Variants in MPP2 observed in about 807,000 individuals in gnomAD.
MPP2 encodes the protein MAGUK p55 scaffold protein 2.
MPP2 carries 42 observed loss-of-function variants against 58.5 expected under a neutral mutation model. The ratio of observed to expected loss-of-function variants is 0.72; its 90% CI spans 0.56 to 0.93. The LOEUF is 0.93. MPP2 is among the 40% of genes least tolerant of loss of function. MPP2 has a pLI of 0.00. For synonymous variants in MPP2, 300 were observed against 307.8 expected (o/e 0.97, Z 0.26); for missense variants, 632 against 760.4 (o/e 0.83, Z 1.99).
chr17:43,879,700 CAGGTGT>C lies in MPP2; in HGVS notation c.1353+76_1353+81del. The C allele has an allele frequency of 2.0e-5, 30 of 1,486,628 alleles. No individual in the cohort carries two copies. Among genetic ancestry groups the C allele is most frequent in the Non-Finnish European group, 2.8e-5 (30 of 1,084,530 alleles). The allele number at this position is 1,486,628 out of a possible 1,614,324, so 92.1% of individuals were successfully genotyped here. On this transcript the variant is annotated intron_variant, in intron 11 of 12. Transcript: ENST00000269095. This position sits in a 1 kb window ranked among gnomAD's most constrained non-coding sequence, Gnocchi z 4.1. ...GGGGTACATGGGCGTGTTCAGGTGA[CAGGTGT>C]CTGGAACTATATGGGGGAGCAATGA...
At chr17:43,891,707 G>A (rs1193431717) in intron 3 of MPP2, among the ~76,000 whole-genome samples, 1 of 152,058 alleles carries the variant, frequency 6.6e-6, no homozygotes, top group Admixed American at 6.6e-5. Flanking sequence ...ACCAGCCTGG[G>A]CAACACGGTG....
At chr17:43,897,597 G>A (rs1382844953) in intron 3 of MPP2, among the ~76,000 whole-genome samples, 2 of 152,080 alleles carry the variant, frequency 1.3e-5, no homozygotes, top group East Asian at 3.8e-4. Context: ...TGCACAGCTC[G>A]CATTGTCTTA....
At chr17:43,891,714 G>A (rs1010808116) in intron 3 of MPP2, among the ~76,000 whole-genome samples, 6 of 152,116 alleles carry the variant, frequency 3.9e-5, no homozygotes, top group African/African-American at 1.4e-4. Context: ...TGGGCAACAC[G>A]GTGAGACCTC....
intron 7 of MPP2, 51 bp downstream of exon 7, chr17:43,881,402 GCCCTC>G: frequency 6.2e-7 from 1 of 1,613,900 alleles, no homozygotes; most frequent in African/African-American, 1.3e-5. Context: ...CCCTCCCTGT[GCCCTC>G]GCCCTCCCAT....
intron 12 of MPP2, among the ~76,000 whole-genome samples, chr17:43,878,812 G>A (rs951670730): frequency 1.8e-4 from 27 of 152,210 alleles, no homozygotes; most frequent in African/African-American, 6.5e-4. Flanking sequence ...TCTGCAATGA[G>A]GCCTTGAAGC....
chr17:43,888,719 G>C (rs2047473740), intron 3 of MPP2, among the ~76,000 whole-genome samples: 1 of 152,112 alleles, frequency 6.6e-6, no homozygotes, highest in Admixed American at 6.5e-5. Context: ...GGGGAAGCCA[G>C]GGTGCCTCCT....
At chr17:43,896,391 C>G (rs2047848758) in intron 3 of MPP2, among the ~76,000 whole-genome samples, 3 of 152,090 alleles carry the variant, frequency 2.0e-5, no homozygotes, top group Admixed American at 1.3e-4. Flanking sequence ...TAGAACTGTC[C>G]TCCTTGGAAA....
chr17:43,885,146 A>T (rs1488504655), intron 3 of MPP2, among the ~76,000 whole-genome samples: 3 of 150,180 alleles, frequency 2.0e-5, no homozygotes, highest in African/African-American at 7.3e-5. Flanking sequence ...AAAAAGAATG[A>T]GCTCTTCTTT....
intron 3 of MPP2, among the ~76,000 whole-genome samples, chr17:43,892,561 C>T (rs1200209117): frequency 6.6e-6 from 1 of 151,822 alleles, no homozygotes; most frequent in Non-Finnish European, 1.5e-5. Context: ...TTCCAGTGGG[C>T]TCAGGTAGGC....
In MPP2 at chr17:43,882,402, A is replaced by C. The variant is rs961266933; in HGVS notation, c.563T>G (p.Val188Gly). 1 of 1,611,434 alleles carries C rather than the reference A, an allele frequency of 6.2e-7. No homozygotes were observed. The highest frequency in any genetic ancestry group is 2.2e-5 in the East Asian group (1 of 44,862). The change falls in exon 6 of 13, where the codon GTG (valine) becomes GGG (glycine). Residue 188 changes from valine to glycine, a missense_variant. Coordinates refer to ENST00000269095, the MANE Select transcript of MPP2 (RefSeq NM_005374.5). ...GTCACTGCCCACTGGCTGCCCGTTC[A>C]CCTCCTTGATGATGTCACCCACATG... ...LLHVGDIIKEVNGQPVGSDPR... is the reference protein window; with the variant it reads ...LLHVGDIIKEGNGQPVGSDPR...
rs778693949 is a variant in MPP2, at chr17:43,883,247, T to C, written c.259A>G (p.Thr87Ala). 61 of 1,610,402 alleles carry C rather than the reference T, an allele frequency of 3.8e-5. No individual in the cohort carries two copies. Among genetic ancestry groups the C allele is most frequent in the Non-Finnish European group, 4.8e-5 (56 of 1,178,700 alleles). ...DLAQLAEQSS[T>A]AAELAHILQE... ...AGGATGTGGGCCAGCTCGGCGGCTG[T>C]GCTGCTCTGCTCAGCCAGCTGCGCC... The change falls in exon 4 of 13, where the codon ACA becomes GCA. Residue 87 changes from threonine (T) to alanine (A), a missense_variant. By Grantham distance (58) the Thr-to-Ala change is moderately conservative. Transcript: ENST00000269095.
At chr17:43,891,624 G>A (rs1025429217) in intron 3 of MPP2, among the ~76,000 whole-genome samples, 8 of 152,072 alleles carry the variant, frequency 5.3e-5, no homozygotes, top group Non-Finnish European at 1.0e-4. Context: ...GGCTGGGCAT[G>A]GTGGCTCACA....
chr17:43,900,507 G>A, intron 2 of MPP2: 3 of 1,548,000 alleles, frequency 1.9e-6, no homozygotes, highest in Non-Finnish European at 1.7e-6. Flanking sequence ...GAAGACTCCA[G>A]GGATATACCC....
At chr17:43,906,220 C>G (rs549490062) in intron 1 of MPP2, 2 of 849,052 alleles carry the variant, frequency 2.4e-6, no homozygotes, top group Non-Finnish European at 2.8e-6. Flanking sequence ...GAAGTCTTGC[C>G]CAGCCTGCCT....
chr17:43,882,584 G>A (rs1276738731), intron 5 of MPP2, 73 bp from the exon 6 acceptor site: 2 of 1,418,720 alleles, frequency 1.4e-6, no homozygotes, highest in East Asian at 4.8e-5. Flanking sequence ...TCTCCTAATA[G>A]CTCCTCCATT....
chr17:43,903,373 G>A (rs1253005490), intron 2 of MPP2, among the ~76,000 whole-genome samples: 3 of 152,110 alleles, frequency 2.0e-5, no homozygotes, highest in African/African-American at 4.8e-5. Context: ...GGAGGTGACT[G>A]TTTCAAGGAC....
intron 2 of MPP2, among the ~76,000 whole-genome samples, chr17:43,903,103 C>A (rs1200674076): frequency 6.6e-6 from 1 of 151,948 alleles, no homozygotes; most frequent in Admixed American, 6.6e-5. Context: ...ATGGTGAAAC[C>A]CAGTCTCTAC....
intron 1 of MPP2, 149 bp downstream of exon 1, chr17:43,907,325 G>A: frequency 4.1e-6 from 4 of 985,780 alleles, no homozygotes; most frequent in Middle Eastern, 5.2e-4. Flanking sequence ...CCCAGGGGCG[G>A]GGGCGGGTGG....
chr17:43,879,508 G>A lies in MPP2; in HGVS notation c.1354-105C>T, dbSNP rs887106730. On this transcript the variant is annotated intron_variant, in intron 11 of 12. Coordinates refer to ENST00000269095, the MANE Select transcript of MPP2 (RefSeq NM_005374.5). The surrounding 1 kb of genome is among the most constrained non-coding windows in gnomAD (Gnocchi z 4.1). ...GGGTTGGGGTGAGCACTTGGGAGTG[G>A]ATGAGAAAAGGGTGCCCGGGGGTCT... 9.0e-6 allele frequency: 13 copies of A among 1,440,530 alleles called. No individual in the cohort carries two copies. The African/African-American group carries it at 1.3e-4, about 14-fold the overall frequency. 89.2% of individuals were successfully genotyped at this position (1,440,530 alleles called of 1,614,324 possible). A position where few individuals can be genotyped will look rare whatever the true frequency, so the allele number is the denominator to read the frequency against.
Sources: gnomAD v4.1 joint callset for allele counts (sites outside exome capture counted in the v4.1 genomes callset) on GRCh38, gnomAD v4.1.1 for gene constraint, Gnocchi (gnomAD v3.1) non-coding constraint, MANE v1.5 for transcripts, NCBI Gene and HGNC (gene_info 2026-07-23, HGNC 2026-07-21) for gene names.